Variants in TOX2 observed in about 807,000 individuals in gnomAD.
The protein encoded by TOX2 is granulosa cell HMG box 1.
In TOX2, 15 loss-of-function variants were observed where a neutral mutation model predicts 47.4. The ratio of observed to expected loss-of-function variants is 0.32; its 90% CI spans 0.21 to 0.49. The LOEUF is 0.49. Ranked by LOEUF, TOX2 falls within the 20% of genes least tolerant of loss-of-function variation. The probability of loss-of-function intolerance (pLI) is 0.99; values close to 1 mark genes in which losing one functional copy is unlikely to be tolerated. For missense variants in TOX2, 622 were observed against 673.1 expected, an observed-to-expected ratio of 0.92 and a Z score of 0.84; for synonymous variants, 290 against 296.6, an observed-to-expected ratio of 0.98 and a Z score of 0.23.
chr20:43,932,882 A>C (rs2145324598), intron 1 of TOX2, among the ~76,000 whole-genome samples: 1 of 152,048 alleles, frequency 6.6e-6, no homozygotes, highest in Middle Eastern at 3.4e-3. Flanking sequence ...GCCTGGACAA[A>C]TCTCATCTGC....
intron 1 of TOX2, among the ~76,000 whole-genome samples, chr20:43,939,512 A>G (rs6103524): frequency 0.18 from 28,113 of 152,204 alleles, 3,590 homozygotes; most frequent in East Asian, 0.37. Flanking sequence ...TGGGAACTGT[A>G]TAAGAGTAGG....
At chr20:44,001,826 T>C (rs6103555) in intron 2 of TOX2, among the ~76,000 whole-genome samples, 107,676 of 152,034 alleles carry the variant, frequency 0.71, 38,460 homozygotes, top group East Asian at 0.82. Flanking sequence ...AACTAGAGCC[T>C]GGGACATTCC....
intron 1 of TOX2, among the ~76,000 whole-genome samples, chr20:43,949,810 C>T (rs995167917): frequency 6.6e-6 from 1 of 152,172 alleles, no homozygotes; most frequent in Non-Finnish European, 1.5e-5. Context: ...CTGTCATTGT[C>T]CTCCCCATCA....
chr20:43,966,770 AG>A lies in TOX2; in HGVS notation c.100-6596del, dbSNP rs1374092161. Among the ~76,000 whole-genome samples, 6 of 150,500 alleles carry A rather than the reference AG, an allele frequency of 4.0e-5. No individual in the cohort carries two copies. The East Asian group carries it at 1.2e-3, about 29-fold the overall frequency. On this transcript the variant is annotated intron_variant, in intron 1 of 8. Coordinates refer to ENST00000341197, the MANE Select transcript of TOX2 (RefSeq NM_001098797.2). ...CTCTGTCTCAAAAAAAAAAAAAAAA[AG>A]TGGGGGCACTGGAGGCTCCCACTAT...
At chr20:43,993,767 A>G (rs1022093322) in intron 2 of TOX2, among the ~76,000 whole-genome samples, 15 of 152,240 alleles carry the variant, frequency 9.9e-5, no homozygotes, top group Non-Finnish European at 1.9e-4. Flanking sequence ...CCAAAAATAC[A>G]TATTATCTGC....
intron 5 of TOX2, among the ~76,000 whole-genome samples, chr20:44,062,699 G>A (rs1453068732): frequency 6.6e-6 from 1 of 152,110 alleles, no homozygotes; most frequent in Non-Finnish European, 1.5e-5. Flanking sequence ...GCATGACTAA[G>A]CAAAAAGAAC....
intron 1 of TOX2, among the ~76,000 whole-genome samples, chr20:43,932,059 G>A (rs1354270148): frequency 6.6e-6 from 1 of 152,160 alleles, no homozygotes; most frequent in Non-Finnish European, 1.5e-5. Context: ...TATGCAGTTT[G>A]GGGATGAGTT....
At chr20:43,952,458 G>A (rs2069595847) in intron 1 of TOX2, among the ~76,000 whole-genome samples, 1 of 152,226 alleles carries the variant, frequency 6.6e-6, no homozygotes, top group East Asian at 1.9e-4. Context: ...CAGCAGAGAA[G>A]TAGGGGTTGG....
chr20:43,927,941 A>C (rs2867777), intron 1 of TOX2, among the ~76,000 whole-genome samples: 4,349 of 152,174 alleles, frequency 0.029, 175 homozygotes, highest in African/African-American at 0.082. Context: ...AGAAATAAAC[A>C]ATTTCAAATG....
At chr20:43,968,099 C>G (rs1202131145) in intron 1 of TOX2, among the ~76,000 whole-genome samples, 2 of 152,206 alleles carry the variant, frequency 1.3e-5, no homozygotes, top group African/African-American at 4.8e-5. Context: ...CGTCCGTCAT[C>G]TGCCGATCAT....
At chr20:44,042,764 G>T (rs1321293908) in intron 3 of TOX2, among the ~76,000 whole-genome samples, 1 of 152,172 alleles carries the variant, frequency 6.6e-6, no homozygotes, top group Non-Finnish European at 1.5e-5. Context: ...TTTATTCTAA[G>T]AGGATCAACA....
chr20:44,056,612 A>G (rs1168403632), intron 5 of TOX2, among the ~76,000 whole-genome samples: 1 of 152,150 alleles, frequency 6.6e-6, no homozygotes, highest in Non-Finnish European at 1.5e-5. Context: ...CTGACGTTTT[A>G]TTTCTAACCC....
At chr20:43,989,474 A>T (rs1307461324) in intron 2 of TOX2, among the ~76,000 whole-genome samples, 1 of 152,158 alleles carries the variant, frequency 6.6e-6, no homozygotes, top group Non-Finnish European at 1.5e-5. Context: ...TAGGCTTTTT[A>T]ATTTTAAAAA....
intron 8 of TOX2, among the ~76,000 whole-genome samples, chr20:44,068,004 C>T (rs773269058): frequency 2.0e-5 from 3 of 152,132 alleles, no homozygotes; most frequent in Non-Finnish European, 2.9e-5. Context: ...GACCCACCAG[C>T]GCCCTTGGAC....
At chr20:44,062,400 A>AATGAATG (rs1569149462) in intron 5 of TOX2, among the ~76,000 whole-genome samples, 66 of 136,822 alleles carry the variant, frequency 4.8e-4, no homozygotes, top group African/African-American at 1.7e-3. Flanking sequence ...ATAAATAAAT[A>AATGAATG]AATAAATGAA....
In TOX2 at chr20:44,065,748, G is replaced by T. The variant is rs188253564; in HGVS notation, c.997G>T (p.Ala333Ser). Reference protein sequence around the residue: ...PDQGETKSTQANPPAKMLPPK... With the variant: ...PDQGETKSTQSNPPAKMLPPK... ...TCAAGGTGAGACCAAGAGCACTCAG[G>T]CAAACCCACCAGCCAAAATGCTCCC... The change falls in exon 7 of 9, where the codon GCA becomes TCA. Residue 333 changes from alanine to serine, a missense_variant. This residue lies in a region of TOX2 where 294 missense variants were observed against 300.0 expected (regional missense o/e 0.98). Coordinates refer to ENST00000341197, the MANE Select transcript of TOX2 (RefSeq NM_001098797.2). 1.9e-6 allele frequency: 3 copies of T among 1,604,568 alleles called. No homozygotes were observed. In the Admixed American group the frequency reaches 5.0e-5, roughly 27 times the overall value.
At position 43,938,840 on chromosome 20, in the gene TOX2, A is replaced by G. The variant is rs373645389; in HGVS notation, c.99+23850A>G. Among the ~76,000 whole-genome samples the G allele has an allele frequency of 6.6e-4, 100 of 152,214 alleles. 1 individual carries two copies. Among genetic ancestry groups the G allele is most frequent in the African/African-American group, 2.3e-3 (96 of 41,530 alleles). ...GTCTGTGACGCCTGCCCCCAGCACAATGGGTCCAGGGGTGGTAGAGGGGCA... is the reference window on the plus strand; with the variant it reads ...GTCTGTGACGCCTGCCCCCAGCACAGTGGGTCCAGGGGTGGTAGAGGGGCA... On this transcript the variant is annotated intron_variant, in intron 1 of 8. Coordinates refer to ENST00000341197, the MANE Select transcript of TOX2 (RefSeq NM_001098797.2).
chr20:43,945,765 G>C (rs559654933), intron 1 of TOX2: 3 of 1,186,304 alleles, frequency 2.5e-6, no homozygotes, highest in South Asian at 2.9e-5. Flanking sequence ...GATAAAAGAG[G>C]TTAAATAACA....
At chr20:44,065,576 T>C (rs2071798441) in intron 6 of TOX2, 136 bp from the exon 7 acceptor site, 1 of 1,008,464 alleles carries the variant, frequency 9.9e-7, no homozygotes, top group Non-Finnish European at 1.5e-6. Context: ...GTGCTATCTC[T>C]GGTTAGTCCA....
Sources: gnomAD v4.1 joint callset for allele counts (sites outside exome capture counted in the v4.1 genomes callset) on GRCh38, gnomAD v4.1.1 for gene constraint, gnomAD v4.1.1 regional missense constraint, MANE v1.5 for transcripts, NCBI Gene and HGNC (gene_info 2026-07-23, HGNC 2026-07-21) for gene names.